Variants in GASK1A observed in about 807,000 individuals in gnomAD.
The protein encoded by GASK1A is golgi associated kinase 1A, also known as Golgi-associated kinase 1A.
GASK1A carries 40 observed loss-of-function variants against 41.2 expected under a neutral mutation model. The ratio of observed to expected loss-of-function variants is 0.97; its 90% CI spans 0.75 to 1.27. GASK1A has a LOEUF of 1.27. Among genes scored for constraint, GASK1A ranks in the 50% most tolerant of loss-of-function variants. The pLI, the probability that GASK1A is intolerant of heterozygous loss-of-function variation, is 0.00. For missense variants in GASK1A, 678 were observed against 745.1 expected (o/e 0.91, Z 1.05); for synonymous variants, 316 against 307.1 (o/e 1.03, Z -0.30).
intron 1 of GASK1A, among the ~76,000 whole-genome samples, chr3:43,005,616 C>T (rs2089432077): frequency 6.6e-6 from 1 of 152,096 alleles, no homozygotes; most frequent in African/African-American, 2.4e-5. Context: ...AGTAGTGATC[C>T]TGCAATTGGA....
chr3:43,003,787 G>T (rs1409080412), intron 1 of GASK1A, among the ~76,000 whole-genome samples: 1 of 152,048 alleles, frequency 6.6e-6, no homozygotes, highest in Admixed American at 6.5e-5. Context: ...AGTATTACAT[G>T]CTTCTAATTT....
At chr3:43,005,331 C>T (rs1254046189) in intron 1 of GASK1A, among the ~76,000 whole-genome samples, 2 of 152,168 alleles carry the variant, frequency 1.3e-5, no homozygotes, top group Non-Finnish European at 2.9e-5. Flanking sequence ...CCCAAGGTTA[C>T]CTGCAGTCTG....
chr3:43,033,786 G>T (rs1254668269), intron 2 of GASK1A, among the ~76,000 whole-genome samples: 1 of 152,174 alleles, frequency 6.6e-6, no homozygotes, highest in Non-Finnish European at 1.5e-5. Flanking sequence ...GGAATTTTGT[G>T]ACCTAGTTGT....
intron 1 of GASK1A, among the ~76,000 whole-genome samples, chr3:43,016,036 G>A (rs1444200182): frequency 6.6e-6 from 1 of 151,940 alleles, no homozygotes. Context: ...TGAAGTCACA[G>A]GGAGGGGCTC....
intron 1 of GASK1A, among the ~76,000 whole-genome samples, chr3:42,995,639 C>T (rs1311061175): frequency 1.3e-5 from 2 of 151,966 alleles, no homozygotes; most frequent in African/African-American, 4.8e-5. Flanking sequence ...GAGGTGGATT[C>T]TGTCCTGAAG....
At chr3:43,013,034 C>T (rs530738814) in intron 1 of GASK1A, among the ~76,000 whole-genome samples, 12 of 147,536 alleles carry the variant, frequency 8.1e-5, no homozygotes, top group Admixed American at 2.7e-4. Context: ...TGGGAAATCA[C>T]GGGAATGAGC....
Position 42,979,623 on chromosome 3 carries a change from G to A in GASK1A, c.-20G>A. Reference sequence around the variant, plus strand: ...GCCGGCTGAGCGCGCCGAGGAGCCGGCCGGGGCACCGCCGGGGACATGGTA... The same window carrying A: ...GCCGGCTGAGCGCGCCGAGGAGCCGACCGGGGCACCGCCGGGGACATGGTA... On this transcript the variant is annotated 5_prime_UTR_variant, in exon 1 of 5. Coordinates refer to ENST00000430121, the MANE Select transcript of GASK1A (RefSeq NM_001129908.3). 2 of 1,243,460 alleles carry A rather than the reference G, an allele frequency of 1.6e-6. No homozygotes were observed. The highest frequency in any genetic ancestry group is 2.0e-6 in the Non-Finnish European group (2 of 987,686). The allele number at this position is 1,243,460 out of a possible 1,614,324, so 77.0% of individuals were successfully genotyped here. A position where few individuals can be genotyped will look rare whatever the true frequency, so the allele number is the denominator to read the frequency against.
At chr3:43,054,953 T>C (rs1362654646) in intron 3 of GASK1A, among the ~76,000 whole-genome samples, 1 of 152,198 alleles carries the variant, frequency 6.6e-6, no homozygotes, top group Non-Finnish European at 1.5e-5. Flanking sequence ...ACATGTGCGA[T>C]GCCCCTCACA....
At chr3:43,015,921 A>G (rs1446656225) in intron 1 of GASK1A, among the ~76,000 whole-genome samples, 1 of 151,474 alleles carries the variant, frequency 6.6e-6, no homozygotes, top group Admixed American at 6.6e-5. Flanking sequence ...GTGAAGCCAA[A>G]GGAAGGGGCA....
Position 43,036,183 on chromosome 3 carries a change from A to G in GASK1A, c.1290+2630A>G, listed in dbSNP as rs541383389. ...ACAAGTCTCTGTAGCCAAAGCATAC[A>G]CAGGTTGGTTATATGGGCAGACATG... On this transcript the variant is annotated intron_variant, in intron 2 of 4. Transcript: ENST00000430121. Among the ~76,000 whole-genome samples, 12 of 152,356 alleles carry G rather than the reference A, an allele frequency of 7.9e-5. 1 individual carries two copies. The South Asian group carries it at 2.3e-3, about 29-fold the overall frequency.
chr3:43,003,585 T>A (rs557749673), intron 1 of GASK1A, among the ~76,000 whole-genome samples: 32 of 151,800 alleles, frequency 2.1e-4, no homozygotes, highest in African/African-American at 6.5e-4. Context: ...GGTAGCACAC[T>A]GGTAGCAGAG....
intron 2 of GASK1A, among the ~76,000 whole-genome samples, chr3:43,048,676 A>G (rs1427753557): frequency 6.6e-6 from 1 of 152,170 alleles, no homozygotes; most frequent in Non-Finnish European, 1.5e-5. Context: ...GCCATAAGTC[A>G]TTGTTTGAAG....
chr3:43,009,667 T>C (rs2089453985), intron 1 of GASK1A, among the ~76,000 whole-genome samples: 1 of 152,238 alleles, frequency 6.6e-6, no homozygotes, highest in South Asian at 2.1e-4. Context: ...TGAGAATATC[T>C]GGAGGCAACA....
At chr3:43,031,015 AC>A (rs1292065623) in intron 1 of GASK1A, among the ~76,000 whole-genome samples, 1 of 152,108 alleles carries the variant, frequency 6.6e-6, no homozygotes, top group Non-Finnish European at 1.5e-5. Context: ...TTTCTTTGAC[AC>A]CTTTAAAATT....
intron 2 of GASK1A, among the ~76,000 whole-genome samples, chr3:43,036,448 G>A (rs539464577): frequency 1.3e-5 from 2 of 152,276 alleles, no homozygotes; most frequent in South Asian, 4.1e-4. Context: ...ATAAACCCTT[G>A]TTTTTCTGTG....
intron 1 of GASK1A, among the ~76,000 whole-genome samples, chr3:43,013,995 G>T (rs2089477127): frequency 6.6e-6 from 1 of 151,764 alleles, no homozygotes; most frequent in South Asian, 2.1e-4. Context: ...TGAAGCCACA[G>T]AATGGGGCTT....
At chr3:43,024,977 T>C (rs1224070076) in intron 1 of GASK1A, among the ~76,000 whole-genome samples, 3 of 151,956 alleles carry the variant, frequency 2.0e-5, no homozygotes, top group African/African-American at 7.3e-5. Flanking sequence ...ACCTGAGCAA[T>C]GGAAACAGGA....
chr3:42,980,627 C>A (rs182624396), intron 1 of GASK1A, among the ~76,000 whole-genome samples: 31 of 152,202 alleles, frequency 2.0e-4, no homozygotes, highest in African/African-American at 7.5e-4. Flanking sequence ...TCTGTGAGAA[C>A]AGCTCCTTTG....
At chr3:43,001,190 A>G (rs1415787058) in intron 1 of GASK1A, among the ~76,000 whole-genome samples, 1 of 152,174 alleles carries the variant, frequency 6.6e-6, no homozygotes, top group African/African-American at 2.4e-5. Context: ...CAGGGCGCAG[A>G]CATTGTGGGC....
Sources: gnomAD v4.1 joint callset for allele counts (sites outside exome capture counted in the v4.1 genomes callset) on GRCh38, gnomAD v4.1.1 for gene constraint, MANE v1.5 for transcripts, NCBI Gene and HGNC (gene_info 2026-07-23, HGNC 2026-07-21) for gene names.